CSNK2B: variants seen among roughly 807,000 people sequenced by gnomAD.
CSNK2B encodes casein kinase 2 beta.
Under a neutral mutation model 28.8 loss-of-function variants are expected in CSNK2B, and 2 were observed. The ratio of observed to expected loss-of-function variants is 0.07; its 90% CI spans 0.03 to 0.22. CSNK2B has a LOEUF of 0.22. Among genes scored for constraint, CSNK2B ranks in the 10% least tolerant of loss-of-function variants. The pLI is 1.00. For synonymous variants in CSNK2B, 89 were observed against 96.1 expected (o/e 0.93, Z 0.43); for missense variants, 107 against 277.9 (o/e 0.39, Z 4.37).
At position 31,669,980 on chromosome 6, in the gene CSNK2B, C is replaced by T. The variant is rs537570358; in HGVS notation, c.*54C>T. ...TGACTTTTCCTTTCTTTTTTGCCAC[C>T]CTTTCAGGAACCCTGTATGGTTTTT... On this transcript the variant is annotated 3_prime_UTR_variant, in exon 7 of 7. Transcript: ENST00000375882. This position sits in a 1 kb window ranked among gnomAD's most constrained non-coding sequence, Gnocchi z 4.8. 3 of 1,447,302 alleles carry T rather than the reference C, an allele frequency of 2.1e-6. No homozygotes were observed. Among genetic ancestry groups the T allele is most frequent in the Non-Finnish European group, 2.9e-6 (3 of 1,048,454 alleles). 89.7% of individuals were successfully genotyped at this position (1,447,302 alleles called of 1,614,324 possible).
At position 31,669,035 on chromosome 6, in the gene CSNK2B, G is replaced by A. The variant is rs1375080898; in HGVS notation, c.292-62G>A. The A allele has an allele frequency of 8.4e-6, 11 of 1,315,342 alleles. No individual in the cohort carries two copies. The highest frequency in any genetic ancestry group is 5.9e-5 in the South Asian group (5 of 84,476). The allele number at this position is 1,315,342 out of a possible 1,614,324, so 81.5% of individuals were successfully genotyped here. On this transcript the variant is annotated intron_variant, in intron 4 of 6. Coordinates refer to ENST00000375882, the MANE Select transcript of CSNK2B (RefSeq NM_001320.7). The surrounding 1 kb of genome is among the most constrained non-coding windows in gnomAD (Gnocchi z 4.8). ...GGGACAGAGTGGTATGGGTTGGGCT[G>A]CGAAGGGAGTTGCCTCTTCTTTACA...
At position 31,668,646 on chromosome 6, in the gene CSNK2B, G is replaced by A; in HGVS notation, c.283G>A (p.Ala95Thr). Residue 95 changes from alanine to threonine, a missense_variant, in exon 4 of 7, where the codon GCC becomes ACC. Coordinates refer to ENST00000375882, the MANE Select transcript of CSNK2B (RefSeq NM_001320.7). Reference sequence around the variant, plus strand: ...CTACATCCTTACCAACCGTGGCATCGCCCAGATGGTGAGGCCTCTCTGCTC... The same window carrying A: ...CTACATCCTTACCAACCGTGGCATCACCCAGATGGTGAGGCCTCTCTGCTC... ...ARYILTNRGI[A>T]QMLEKYQQGD... 6.2e-7 allele frequency: 1 copy of A among 1,612,720 alleles called. No homozygotes were observed. Among genetic ancestry groups the A allele is most frequent in the Non-Finnish European group, 8.5e-7 (1 of 1,179,758 alleles).
Position 31,669,691 on chromosome 6 carries a change from C to T in CSNK2B, c.558-145C>T. The T allele has an allele frequency of 5.0e-6, 5 of 1,001,648 alleles. No homozygotes were observed. Among genetic ancestry groups the T allele is most frequent in the Non-Finnish European group, 7.3e-6 (5 of 688,070 alleles). 62.0% of individuals were successfully genotyped at this position (1,001,648 alleles called of 1,614,324 possible). ...TTGAGTTACCTTATTGTAGAATGTT[C>T]TTGAGCTGAGAAGTTGGGAACCACG... On this transcript the variant is annotated intron_variant, in intron 6 of 6. Coordinates refer to ENST00000375882, the MANE Select transcript of CSNK2B (RefSeq NM_001320.7). This position sits in a 1 kb window ranked among gnomAD's most constrained non-coding sequence, Gnocchi z 4.8.
At position 31,666,142 on chromosome 6, in the gene CSNK2B, G is replaced by A. The variant is rs1801667832; in HGVS notation, c.-78G>A. ...TCGGGTCCGCGGCCTGCGCTGTAGC[G>A]GTCGCCGCCGTTCCCTGGAAGTAGC... On this transcript the variant is annotated 5_prime_UTR_variant, in exon 1 of 7. Transcript: ENST00000375882. The A allele has an allele frequency of 1.0e-6, 1 of 991,214 alleles. No homozygotes were observed. The highest frequency in any genetic ancestry group is 1.2e-6 in the Non-Finnish European group (1 of 832,726). 61.4% of individuals were successfully genotyped at this position (991,214 alleles called of 1,614,324 possible).
rs141052842 is a variant in CSNK2B at position 31,666,181 on chromosome 6, C to A, written c.-39C>A. On this transcript the variant is annotated 5_prime_UTR_variant, in exon 1 of 7. Coordinates refer to ENST00000375882, the MANE Select transcript of CSNK2B (RefSeq NM_001320.7). ...CCTGGAAGTAGCAACTTCCCTACCC[C>A]ACCCCAGTCCTGGTCCCCGTCCAGC... The A allele has an allele frequency of 5.0e-6, 5 of 992,656 alleles. No homozygotes were observed. In the South Asian group the frequency reaches 2.2e-4, roughly 43 times the overall value. 61.5% of individuals were successfully genotyped at this position (992,656 alleles called of 1,614,324 possible). A position where few individuals can be genotyped will look rare whatever the true frequency, so the allele number is the denominator to read the frequency against.
Position 31,669,733 on chromosome 6 carries a change from C to A in CSNK2B, c.558-103C>A. The A allele has an allele frequency of 8.9e-7, 1 of 1,118,450 alleles. No homozygotes were observed. The highest frequency in any genetic ancestry group is 1.3e-6 in the Non-Finnish European group (1 of 778,028). 69.3% of individuals were successfully genotyped at this position (1,118,450 alleles called of 1,614,324 possible). A position where few individuals can be genotyped will look rare whatever the true frequency, so the allele number is the denominator to read the frequency against. On this transcript the variant is annotated intron_variant, in intron 6 of 6. Coordinates refer to ENST00000375882, the MANE Select transcript of CSNK2B (RefSeq NM_001320.7). The surrounding 1 kb of genome is among the most constrained non-coding windows in gnomAD (Gnocchi z 4.8). Reference sequence around the variant, plus strand: ...GGAACCACGAGGCTTTAGCTCTGAGCAGGTCCATAGAGGAGCTCAGGTGGG... The same window carrying A: ...GGAACCACGAGGCTTTAGCTCTGAGAAGGTCCATAGAGGAGCTCAGGTGGG...
At chr6:31,666,728 C>A in intron 1 of CSNK2B, 93 bp from the exon 2 acceptor site, 1 of 981,166 alleles carries the variant, frequency 1.0e-6, no homozygotes, top group African/African-American at 1.6e-5. Context: ...GTTCCGAATT[C>A]TCCCGTGGTT....
chr6:31,667,741 T>C (rs956305136), intron 2 of CSNK2B, 127 bp from the exon 3 acceptor site: 1 of 505,072 alleles, frequency 2.0e-6, no homozygotes, highest in African/African-American at 2.0e-5. Context: ...TTCTGCTGAG[T>C]TGGGAGTGAG....
chr6:31,666,695 T>C, intron 1 of CSNK2B, 126 bp from the exon 2 acceptor site: 1 of 660,038 alleles, frequency 1.5e-6, no homozygotes. Flanking sequence ...GCTTCAGAGT[T>C]TGGGTTGCTT....
In CSNK2B at chr6:31,666,107, C is replaced by G; in HGVS notation, c.-113C>G. 1.0e-6 allele frequency: 1 copy of G among 993,342 alleles called. No individual in the cohort carries two copies. The highest frequency in any genetic ancestry group is 1.2e-6 in the Non-Finnish European group (1 of 833,302). The allele number at this position is 993,342 out of a possible 1,614,324, so 61.5% of individuals were successfully genotyped here. A position where few individuals can be genotyped will look rare whatever the true frequency, so the allele number is the denominator to read the frequency against. ...TTTCCACTCCCCCCACCCCACTTCGCCTGCCGCGGTCGGGTCCGCGGCCTG... is the reference window on the plus strand; with the variant it reads ...TTTCCACTCCCCCCACCCCACTTCGGCTGCCGCGGTCGGGTCCGCGGCCTG... On this transcript the variant is annotated 5_prime_UTR_variant, in exon 1 of 7. Coordinates refer to ENST00000375882, the MANE Select transcript of CSNK2B (RefSeq NM_001320.7).
At chr6:31,667,283 C>T (rs1801829132) in intron 2 of CSNK2B, 1 of 395,116 alleles carries the variant, frequency 2.5e-6, no homozygotes, top group African/African-American at 2.1e-5. Context: ...AAGTGCCTGC[C>T]ACCATGCCTG....
Position 31,666,811 on chromosome 6 carries a change from C to T in CSNK2B, c.-11-10C>T, listed in dbSNP as rs780989812. The T allele has an allele frequency of 1.4e-5, 22 of 1,609,578 alleles. No homozygotes were observed. Among genetic ancestry groups the T allele is most frequent in the Non-Finnish European group, 6.8e-6 (8 of 1,176,768 alleles). On this transcript the variant is annotated splice_polypyrimidine_tract_variant and intron_variant, in intron 1 of 6. Transcript: ENST00000375882. The stretch of plus-strand genomic sequence containing the variant: ...GAACTTGAGCTTTACTGACACTGTT[C>T]TTTTTCTAGCTGACGTGAAGATGAG...
chr6:31,669,260 A>C lies in CSNK2B; in HGVS notation c.368-59A>C. The stretch of plus-strand genomic sequence containing the variant: ...TCAACACATTGGAGCCTGAGTCCTG[A>C]GGGGAGGTTAGGTAGGAATAGGGGG... On this transcript the variant is annotated intron_variant, in intron 5 of 6. Transcript: ENST00000375882. The surrounding 1 kb of genome is among the most constrained non-coding windows in gnomAD (Gnocchi z 4.8). 6.2e-7 allele frequency: 1 copy of C among 1,601,292 alleles called. No individual in the cohort carries two copies. Among genetic ancestry groups the C allele is most frequent in the Admixed American group, 1.7e-5 (1 of 59,690 alleles).
At position 31,666,088 on chromosome 6, in the gene CSNK2B, C is replaced by T. The variant is rs1583595508; in HGVS notation, c.-132C>T. On this transcript the variant is annotated 5_prime_UTR_variant, in exon 1 of 7. Coordinates refer to ENST00000375882, the MANE Select transcript of CSNK2B (RefSeq NM_001320.7). ...TCTTCCCCACCCTCCCTAATTTCCA[C>T]TCCCCCCACCCCACTTCGCCTGCCG... 1.0e-6 allele frequency: 1 copy of T among 993,380 alleles called. No homozygotes were observed. Among genetic ancestry groups the T allele is most frequent in the Non-Finnish European group, 1.2e-6 (1 of 833,310 alleles). The allele number at this position is 993,380 out of a possible 1,614,324, so 61.5% of individuals were successfully genotyped here.
chr6:31,667,239 C>G (rs1181276132), intron 2 of CSNK2B: 2 of 484,708 alleles, frequency 4.1e-6, no homozygotes, highest in Non-Finnish European at 8.0e-6. Context: ...TCAAGCGATT[C>G]TCCTGCTCCA....
At chr6:31,667,450 A>T (rs531909182) in intron 2 of CSNK2B, 20 of 333,666 alleles carry the variant, frequency 6.0e-5, no homozygotes, top group South Asian at 5.2e-4. Flanking sequence ...TTGTTACTAA[A>T]GTGGCACTGC....
Position 31,669,738 on chromosome 6 carries a change from C to A in CSNK2B, c.558-98C>A, listed in dbSNP as rs2151189573. On this transcript the variant is annotated intron_variant, in intron 6 of 6. Coordinates refer to ENST00000375882, the MANE Select transcript of CSNK2B (RefSeq NM_001320.7). The surrounding 1 kb of genome is among the most constrained non-coding windows in gnomAD (Gnocchi z 4.8). ...CACGAGGCTTTAGCTCTGAGCAGGT[C>A]CATAGAGGAGCTCAGGTGGGGAGGT... The A allele has an allele frequency of 8.7e-7, 1 of 1,156,058 alleles. No homozygotes were observed. Among genetic ancestry groups the A allele is most frequent in the South Asian group, 1.5e-5 (1 of 68,430 alleles). 71.6% of individuals were successfully genotyped at this position (1,156,058 alleles called of 1,614,324 possible).
chr6:31,667,132 T>G (rs1398402604), intron 2 of CSNK2B: 1 of 691,126 alleles, frequency 1.4e-6, no homozygotes, highest in South Asian at 1.5e-5. Flanking sequence ...AGTCAATTTG[T>G]GTCTTTTTCT....
At chr6:31,667,107 A>G (rs747473994) in intron 2 of CSNK2B, 82 of 700,160 alleles carry the variant, frequency 1.2e-4, no homozygotes, top group Non-Finnish European at 1.8e-4. Flanking sequence ...CCGTCCAGCA[A>G]TATAACGTTG....
Sources: gnomAD v4.1 joint callset for allele counts on GRCh38, gnomAD v4.1.1 for gene constraint, Gnocchi (gnomAD v3.1) non-coding constraint, MANE v1.5 for transcripts, NCBI Gene and HGNC (gene_info 2026-07-23, HGNC 2026-07-21) for gene names.